CARMIL1: variants seen among roughly 807,000 people sequenced by gnomAD.
CARMIL1 encodes capping protein regulator and myosin 1 linker 1.
Under a neutral mutation model 177.1 loss-of-function variants are expected in CARMIL1, and 90 were observed. The observed-to-expected ratio is 0.51, with a 90% confidence interval of 0.43 to 0.61. The LOEUF is 0.61. CARMIL1 is among the 20% of genes least tolerant of loss of function. The pLI is 0.00. For synonymous variants in CARMIL1, 577 were observed against 606.2 expected (o/e 0.95, Z 0.71); for missense variants, 1,380 against 1,667.0 (o/e 0.83, Z 3.00).
intron 4 of CARMIL1, among the ~76,000 whole-genome samples, chr6:25,434,517 C>CA (rs1797064567): frequency 2.9e-5 from 4 of 139,012 alleles, no homozygotes; most frequent in African/African-American, 8.2e-5. Flanking sequence ...AGCTCAAAAC[C>CA]ATTTTTTTTT....
intron 32 of CARMIL1, among the ~76,000 whole-genome samples, chr6:25,599,912 T>C (rs1401164779): frequency 1.3e-5 from 2 of 152,080 alleles, no homozygotes; most frequent in East Asian, 3.9e-4. Context: ...CAATTTCTAC[T>C]TGGAAGGGAG....
intron 8 of CARMIL1, among the ~76,000 whole-genome samples, chr6:25,460,396 T>A (rs1800019845): frequency 6.6e-6 from 1 of 152,192 alleles, no homozygotes; most frequent in South Asian, 2.1e-4. Flanking sequence ...ATTTTTTTAT[T>A]ATATGCAAAC....
intron 1 of CARMIL1, among the ~76,000 whole-genome samples, chr6:25,281,128 GCGCGCGCGCACACA>G (rs1055362381): frequency 5.4e-5 from 1 of 18,672 alleles, no homozygotes; most frequent in Non-Finnish European, 1.5e-4. Context: ...ACGCGCGTGT[GCGCGCGCGCACACA>G]CACACACACA....
chr6:25,302,722 T>C (rs974895899), intron 2 of CARMIL1, among the ~76,000 whole-genome samples: 12 of 152,162 alleles, frequency 7.9e-5, no homozygotes, highest in Non-Finnish European at 1.5e-4. Context: ...ACAGCGATGC[T>C]GGGAGGGAGG....
At chr6:25,452,236 T>A in intron 8 of CARMIL1, 1 of 763,962 alleles carries the variant, frequency 1.3e-6, no homozygotes, top group South Asian at 1.3e-5. Flanking sequence ...TTTTTTTTTT[T>A]TCCTGCTTAG....
intron 5 of CARMIL1, among the ~76,000 whole-genome samples, chr6:25,445,249 T>G (rs1246670377): frequency 1.3e-5 from 2 of 152,350 alleles, no homozygotes; most frequent in South Asian, 2.1e-4. Context: ...TTCATTCACA[T>G]TTTCAGGCTC....
intron 2 of CARMIL1, among the ~76,000 whole-genome samples, chr6:25,345,357 C>T (rs1272260423): frequency 6.6e-6 from 1 of 152,166 alleles, no homozygotes; most frequent in Non-Finnish European, 1.5e-5. Context: ...ACTTGTTCCT[C>T]ATCGTGTCTA....
At chr6:25,504,767 A>T (rs953648305) in intron 17 of CARMIL1, among the ~76,000 whole-genome samples, 5 of 152,152 alleles carry the variant, frequency 3.3e-5, no homozygotes, top group Non-Finnish European at 5.9e-5. Flanking sequence ...AAAATGACTC[A>T]AAGTAGTTAT....
At chr6:25,496,793 T>G (rs1803773065) in intron 16 of CARMIL1, among the ~76,000 whole-genome samples, 1 of 152,210 alleles carries the variant, frequency 6.6e-6, no homozygotes, top group African/African-American at 2.4e-5. Flanking sequence ...TGGTAATATA[T>G]CAGCAGGAAA....
chr6:25,296,929 CTATCTT>C (rs1561948833), intron 2 of CARMIL1, among the ~76,000 whole-genome samples: 6 of 42,174 alleles, frequency 1.4e-4, no homozygotes, highest in Non-Finnish European at 2.5e-4. Flanking sequence ...ATCTATCTAT[CTATCTT>C]TAACTAACTA....
In CARMIL1 at chr6:25,556,804, A is replaced by G. The variant is rs752861928; in HGVS notation, c.2696A>G (p.Glu899Gly). ...GTTAAACGTTCCATCATCACAGTGGAGGAGCTAACAGAGATAGAGCGTTTG... is the reference window on the plus strand; with the variant it reads ...GTTAAACGTTCCATCATCACAGTGGGGGAGCTAACAGAGATAGAGCGTTTG... ...KPVKRSIITVEELTEIERLED... is the reference protein window; with the variant it reads ...KPVKRSIITVGELTEIERLED... Residue 899 changes from glutamate to glycine, a missense_variant, in exon 29 of 37, where the codon GAG (glutamate) becomes GGG (glycine). Transcript: ENST00000329474. 1.9e-6 allele frequency: 3 copies of G among 1,613,464 alleles called. No individual in the cohort carries two copies. Among genetic ancestry groups the G allele is most frequent in the Non-Finnish European group, 2.5e-6 (3 of 1,179,624 alleles).
intron 2 of CARMIL1, among the ~76,000 whole-genome samples, chr6:25,384,426 G>A (rs998637786): frequency 5.9e-5 from 9 of 152,214 alleles, no homozygotes; most frequent in Admixed American, 3.3e-4. Context: ...AGTTTCTGTA[G>A]TATCAGCCAC....
intron 2 of CARMIL1, among the ~76,000 whole-genome samples, chr6:25,362,016 T>A (rs1402062337): frequency 1.3e-5 from 2 of 152,086 alleles, no homozygotes; most frequent in African/African-American, 2.4e-5. Context: ...TTTTAAAAAA[T>A]TCTTTTGAAA....
At chr6:25,580,322 A>G (rs1813014231) in intron 29 of CARMIL1, among the ~76,000 whole-genome samples, 1 of 152,198 alleles carries the variant, frequency 6.6e-6, no homozygotes, top group African/African-American at 2.4e-5. Flanking sequence ...AGTGCTCTTC[A>G]GTTTTGGCCC....
intron 2 of CARMIL1, among the ~76,000 whole-genome samples, chr6:25,320,211 T>C (rs1392766075): frequency 6.6e-6 from 1 of 152,198 alleles, no homozygotes; most frequent in African/African-American, 2.4e-5. Context: ...AAACAGGTTT[T>C]GGAGGAGTAG....
At chr6:25,405,207 T>C (rs1794254618) in intron 2 of CARMIL1, among the ~76,000 whole-genome samples, 1 of 152,250 alleles carries the variant, frequency 6.6e-6, no homozygotes, top group African/African-American at 2.4e-5. Context: ...TTACCTGAGC[T>C]TCGAGAAAGA....
intron 2 of CARMIL1, among the ~76,000 whole-genome samples, chr6:25,318,624 A>T (rs888435369): frequency 6.6e-6 from 1 of 152,056 alleles, no homozygotes; most frequent in Non-Finnish European, 1.5e-5. Flanking sequence ...GGCGGGCTGA[A>T]CTTCCTTAGC....
intron 2 of CARMIL1, among the ~76,000 whole-genome samples, chr6:25,331,270 A>G (rs1785601257): frequency 6.6e-6 from 1 of 152,210 alleles, no homozygotes; most frequent in African/African-American, 2.4e-5. Flanking sequence ...CCTCAGTAGC[A>G]GGTGGGGGTG....
At chr6:25,508,032 A>G (rs1805093932) in intron 17 of CARMIL1, among the ~76,000 whole-genome samples, 1 of 152,174 alleles carries the variant, frequency 6.6e-6, no homozygotes, top group African/African-American at 2.4e-5. Flanking sequence ...CAAGCCCCCA[A>G]TTTTTATGAT....
Sources: allele counts gnomAD v4.1 joint callset (sites outside exome capture counted in the v4.1 genomes callset), GRCh38; gene constraint gnomAD v4.1.1; transcripts MANE v1.5; gene names NCBI Gene and HGNC (gene_info 2026-07-23, HGNC 2026-07-21).